PTPRD: variants seen among roughly 807,000 people sequenced by gnomAD.
PTPRD encodes protein tyrosine phosphatase receptor type D, also known as receptor-type tyrosine-protein phosphatase delta.
In PTPRD, 34 loss-of-function variants were observed where a neutral mutation model predicts 214.5. The ratio of observed to expected loss-of-function variants is 0.16; its 90% CI spans 0.12 to 0.21. PTPRD has a LOEUF of 0.21. Among genes scored for constraint, PTPRD ranks in the 10% least tolerant of loss-of-function variants. The pLI is 1.00. For synonymous variants in PTPRD, 1,128 were observed against 845.7 expected (o/e 1.33, Z -5.79); for missense variants, 2,545 against 2,398.7 (o/e 1.06, Z -1.27).
intron 11 of PTPRD, among the ~76,000 whole-genome samples, chr9:8,803,219 C>A (rs1230242665): frequency 6.6e-6 from 1 of 152,094 alleles, no homozygotes; most frequent in Non-Finnish European, 1.5e-5. Context: ...GTACACACAT[C>A]TGAAAGTGTT....
chr9:8,732,695 G>A (rs1338448300), intron 12 of PTPRD, among the ~76,000 whole-genome samples: 1 of 152,096 alleles, frequency 6.6e-6, no homozygotes, highest in Non-Finnish European at 1.5e-5. Flanking sequence ...TCTTATTAAT[G>A]TTATTCCTTT....
intron 11 of PTPRD, among the ~76,000 whole-genome samples, chr9:8,917,182 G>A (rs143390188): frequency 0.01 from 1,501 of 146,060 alleles, 9 homozygotes; most frequent in Non-Finnish European, 0.017. Flanking sequence ...AGGCTGAAGT[G>A]CAGTGGTGTG....
intron 8 of PTPRD, among the ~76,000 whole-genome samples, chr9:9,573,174 A>C (rs1422350703): frequency 2.0e-5 from 3 of 151,716 alleles, no homozygotes. Flanking sequence ...AATGAAAATG[A>C]GCAATTTACC....
chr9:10,036,496 A>G (rs2097183147), intron 3 of PTPRD, among the ~76,000 whole-genome samples: 1 of 124,868 alleles, frequency 8.0e-6, no homozygotes, highest in South Asian at 2.6e-4. Context: ...GCACACATAC[A>G]CACACTCATG....
intron 9 of PTPRD, among the ~76,000 whole-genome samples, chr9:9,370,211 A>C (rs1192983140): frequency 6.6e-5 from 10 of 152,152 alleles, no homozygotes; most frequent in Admixed American, 6.5e-4. Flanking sequence ...CAGTATGGCC[A>C]TTTTCACGAT....
intron 5 of PTPRD, among the ~76,000 whole-genome samples, chr9:9,935,207 GT>G (rs2088707531): frequency 1.3e-5 from 2 of 151,974 alleles, no homozygotes; most frequent in Non-Finnish European, 2.9e-5. Context: ...TCAACATAGT[GT>G]TGGAAGTTCT....
intron 2 of PTPRD, among the ~76,000 whole-genome samples, chr9:10,465,548 G>A (rs552688525): frequency 5.9e-5 from 9 of 152,092 alleles, no homozygotes; most frequent in African/African-American, 1.2e-4. Flanking sequence ...AGATTATACC[G>A]GAACTGAAAA....
Position 9,455,436 on chromosome 9 carries a change from A to T in PTPRD, c.-236-57954T>A, listed in dbSNP as rs553290123. 3.3e-5 allele frequency among the ~76,000 whole-genome samples: 5 copies of T among 151,770 alleles called. No individual in the cohort carries two copies. In the South Asian group the frequency reaches 1.0e-3, roughly 31 times the overall value. ...TTTATGTAAAATATAACATCATAACAATACCAACAGTGCAGAACATTAACA... is the reference window on the plus strand; with the variant it reads ...TTTATGTAAAATATAACATCATAACTATACCAACAGTGCAGAACATTAACA... On this transcript the variant is annotated intron_variant, in intron 8 of 45. Transcript: ENST00000381196.
At chr9:8,769,356 G>A (rs1022979233) in intron 11 of PTPRD, among the ~76,000 whole-genome samples, 6 of 152,140 alleles carry the variant, frequency 3.9e-5, no homozygotes, top group South Asian at 2.1e-4. Context: ...TTGCAAAAGC[G>A]TAATTACAGC....
chr9:9,444,348 T>C (rs1168711193), intron 8 of PTPRD, among the ~76,000 whole-genome samples: 1 of 152,186 alleles, frequency 6.6e-6, no homozygotes, highest in Non-Finnish European at 1.5e-5. Context: ...ATCTATTTTT[T>C]GTGAGTCTTT....
At chr9:8,449,885 A>T (rs768187850) in intron 33 of PTPRD, 48 bp from the exon 34 acceptor site, 1 of 1,576,856 alleles carries the variant, frequency 6.3e-7, no homozygotes, top group Non-Finnish European at 8.7e-7. Context: ...AATCAATTGA[A>T]ACAGATAGAA....
intron 7 of PTPRD, among the ~76,000 whole-genome samples, chr9:9,693,718 C>A (rs937776049): frequency 2.6e-5 from 4 of 152,114 alleles, no homozygotes; most frequent in African/African-American, 7.2e-5. Context: ...TTAATTAAGG[C>A]CACTCTTAGA....
intron 6 of PTPRD, among the ~76,000 whole-genome samples, chr9:9,757,266 C>T (rs1419440477): frequency 6.6e-6 from 1 of 152,164 alleles, no homozygotes; most frequent in East Asian, 1.9e-4. Flanking sequence ...GGTTAAGTTT[C>T]ATGCAAATAG....
chr9:10,069,609 G>C (rs1170458544), intron 3 of PTPRD, among the ~76,000 whole-genome samples: 1 of 151,936 alleles, frequency 6.6e-6, no homozygotes, highest in African/African-American at 2.4e-5. Flanking sequence ...TGATCAGTTA[G>C]CTTAACACTC....
chr9:9,786,654 G>A (rs1467109934), intron 5 of PTPRD, among the ~76,000 whole-genome samples: 2 of 151,970 alleles, frequency 1.3e-5, no homozygotes, highest in African/African-American at 4.8e-5. Flanking sequence ...GATCCTTGAG[G>A]AATCGCCACA....
intron 11 of PTPRD, among the ~76,000 whole-genome samples, chr9:8,760,404 T>C (rs2094337272): frequency 1.3e-5 from 2 of 152,224 alleles, no homozygotes; most frequent in Non-Finnish European, 2.9e-5. Flanking sequence ...CTAATCTCTA[T>C]TTTAAACAAT....
At chr9:9,669,063 T>G (rs2096776642) in intron 7 of PTPRD, among the ~76,000 whole-genome samples, 1 of 152,210 alleles carries the variant, frequency 6.6e-6, no homozygotes, top group South Asian at 2.1e-4. Context: ...ATCTCTTTAT[T>G]CTAAAAAAGA....
At chr9:8,659,932 A>C (rs922153663) in intron 12 of PTPRD, among the ~76,000 whole-genome samples, 1 of 152,214 alleles carries the variant, frequency 6.6e-6, no homozygotes, top group Admixed American at 6.5e-5. Flanking sequence ...ATGTAGAGAG[A>C]GAGAGAGAGA....
intron 2 of PTPRD, among the ~76,000 whole-genome samples, chr9:10,522,007 G>T (rs10959141): frequency 0.17 from 25,822 of 151,996 alleles, 2,463 homozygotes; most frequent in Admixed American, 0.27. Flanking sequence ...TACACAAACT[G>T]TTAGGGAAGG....
Sources: allele counts gnomAD v4.1 joint callset (sites outside exome capture counted in the v4.1 genomes callset), GRCh38; gene constraint gnomAD v4.1.1; transcripts MANE v1.5; gene names NCBI Gene and HGNC (gene_info 2026-07-23, HGNC 2026-07-21).